Variants in FAM185A observed in about 807,000 individuals in gnomAD.
FAM185A encodes the protein family with sequence similarity 185 member A.
FAM185A carries 21 observed loss-of-function variants against 45.7 expected under a neutral mutation model. The observed-to-expected ratio is 0.46, with a 90% CI of 0.33 to 0.66. FAM185A has a LOEUF of 0.66. FAM185A is among the 30% of genes least tolerant of loss of function. The pLI is 0.03. For missense variants in FAM185A, 305 were observed against 485.4 expected, an observed-to-expected ratio of 0.63 and a Z score of 3.49; for synonymous variants, 117 against 194.0, an observed-to-expected ratio of 0.60 and a Z score of 3.30.
chr7:102,805,232 C>T (rs1562880964), intron 7 of FAM185A, among the ~76,000 whole-genome samples: 1 of 152,152 alleles, frequency 6.6e-6, no homozygotes, highest in Non-Finnish European at 1.5e-5. Flanking sequence ...CTTGGACAGG[C>T]ATGCTTATAG....
chr7:102,783,096 A>G (rs1178878207), intron 6 of FAM185A, among the ~76,000 whole-genome samples: 1 of 151,914 alleles, frequency 6.6e-6, no homozygotes, highest in African/African-American at 2.4e-5. Flanking sequence ...ACAAGAAGAG[A>G]TAACTATCGT....
the FAM185A span, among the ~76,000 whole-genome samples, chr7:102,834,081 G>GA: frequency 1.2e-5 from 1 of 84,920 alleles, no homozygotes; most frequent in Non-Finnish European, 2.1e-5. Context: ...AGGAAGGAAG[G>GA]AAAGAAAAGA....
At chr7:102,834,127 AAAGAAAGAAAG>A in the FAM185A span, among the ~76,000 whole-genome samples, 2 of 112,266 alleles carry the variant, frequency 1.8e-5, no homozygotes, top group African/African-American at 8.6e-5. Context: ...AGAAAGAAAG[AAAGAAAGAAAG>A]AAAAGAGAAG....
chr7:102,834,878 ATGTGTGTGTGTG>A, the FAM185A span, among the ~76,000 whole-genome samples: 336 of 147,154 alleles, frequency 2.3e-3, 2 homozygotes, highest in African/African-American at 7.0e-3. Context: ...CCATTCCACA[ATGTGTGTGTGTG>A]TGTGTGTGTG....
chr7:102,786,571 C>T (rs909557235), intron 6 of FAM185A, among the ~76,000 whole-genome samples: 2 of 152,106 alleles, frequency 1.3e-5, no homozygotes, highest in Admixed American at 6.5e-5. Flanking sequence ...AGCAAACTAT[C>T]GCAAGGACAA....
the FAM185A span, chr7:102,833,093 G>T: frequency 9.7e-7 from 1 of 1,030,416 alleles, no homozygotes; most frequent in Non-Finnish European, 1.4e-6. Flanking sequence ...AGATCTTGAT[G>T]CCCCCAAAAA....
At chr7:102,796,106 A>G in intron 7 of FAM185A, among the ~76,000 whole-genome samples, 1 of 151,768 alleles carries the variant, frequency 6.6e-6, no homozygotes, top group Non-Finnish European at 1.5e-5. Context: ...GTTTTTAAGG[A>G]TAATTTGATA....
chr7:102,850,055 C>A, the FAM185A span, among the ~76,000 whole-genome samples: 5 of 151,560 alleles, frequency 3.3e-5, no homozygotes, highest in African/African-American at 9.7e-5. Context: ...TTGAGTAGAA[C>A]AACTAATCTT....
intron 6 of FAM185A, among the ~76,000 whole-genome samples, chr7:102,784,080 C>G (rs920105979): frequency 1.3e-5 from 2 of 152,204 alleles, no homozygotes; most frequent in Admixed American, 6.5e-5. Flanking sequence ...ACTAGAAAAT[C>G]TAGAAGAAAT....
chr7:102,806,685 A>AT (rs1562882246), intron 7 of FAM185A, among the ~76,000 whole-genome samples: 1 of 152,226 alleles, frequency 6.6e-6, no homozygotes, highest in Non-Finnish European at 1.5e-5. Flanking sequence ...CAGAGGAGAT[A>AT]TAACACCTTC....
chr7:102,834,094 G>GGAAGGAAGGAAGGAAGGAAGGA, the FAM185A span, among the ~76,000 whole-genome samples: 9 of 86,736 alleles, frequency 1.0e-4, no homozygotes, highest in East Asian at 3.1e-4. Context: ...AGAAAAGAAA[G>GGAAGGAAGGAAGGAAGGAAGGA]AAAGAAAGAA....
chr7:102,842,578 A>G, the FAM185A span, among the ~76,000 whole-genome samples: 1 of 152,232 alleles, frequency 6.6e-6, no homozygotes, highest in Non-Finnish European at 1.5e-5. Flanking sequence ...AGATCAGAAG[A>G]GAGTCACTGG....
the FAM185A span, among the ~76,000 whole-genome samples, chr7:102,826,740 T>TC: frequency 7.7e-5 from 7 of 90,458 alleles, 1 homozygote; most frequent in African/African-American, 3.9e-4. Context: ...TATATATATA[T>TC]ATATATATAT....
intron 7 of FAM185A, among the ~76,000 whole-genome samples, chr7:102,802,957 A>G (rs1357905291): frequency 2.0e-5 from 3 of 152,244 alleles, no homozygotes; most frequent in Admixed American, 2.0e-4. Context: ...ATTCCTGGAA[A>G]GATACAAACT....
chr7:102,825,395 C>G, the FAM185A span, among the ~76,000 whole-genome samples: 1 of 152,152 alleles, frequency 6.6e-6, no homozygotes, highest in African/African-American at 2.4e-5. Context: ...CCTTGCCATG[C>G]GATTCCCTGC....
At chr7:102,812,482 T>G (rs1478941179), downstream of FAM185A, among the ~76,000 whole-genome samples, 1 of 152,232 alleles carries the variant, frequency 6.6e-6, no homozygotes. Context: ...AAGTCAAATG[T>G]TGAGATAAGT....
chr7:102,788,752 A>G (rs1476759084), intron 7 of FAM185A, among the ~76,000 whole-genome samples: 3 of 152,300 alleles, frequency 2.0e-5, no homozygotes, highest in Non-Finnish European at 4.4e-5. Flanking sequence ...ACAAACCTAG[A>G]TGGTACAGCC....
Position 102,801,963 on chromosome 7 carries a change from A to G in FAM185A, c.1067-6327A>G, listed in dbSNP as rs188919243. ...ACAAAGAAGGACATTATATAATGCT[A>G]AAAGACCTTGTCCAACAGGAAAATA... On this transcript the variant is annotated intron_variant, in intron 7 of 7. Coordinates refer to ENST00000413034, the MANE Select transcript of FAM185A (RefSeq NM_001145268.2). 7.8e-4 allele frequency among the ~76,000 whole-genome samples: 118 copies of G among 152,240 alleles called. 1 individual carries two copies. Among genetic ancestry groups the G allele is most frequent in the South Asian group, 4.8e-3 (23 of 4,828 alleles).
At chr7:102,812,849 T>A (rs1797513934), downstream of FAM185A, among the ~76,000 whole-genome samples, 1 of 148,970 alleles carries the variant, frequency 6.7e-6, no homozygotes, top group Non-Finnish European at 1.5e-5. Context: ...TCTTTTTTTT[T>A]TTTTTTTTTT....
Sources: gnomAD v4.1 joint callset for allele counts (sites outside exome capture counted in the v4.1 genomes callset) on GRCh38, gnomAD v4.1.1 for gene constraint, MANE v1.5 for transcripts, NCBI Gene and HGNC (gene_info 2026-07-23, HGNC 2026-07-21) for gene names.